The following ANKFY1 variants were observed in gnomAD, a reference collection of about 807,000 sequenced individuals.
ANKFY1 encodes ankyrin repeat and FYVE domain containing 1, also known as ankyrin repeat and FYVE domain-containing protein 1.
In ANKFY1, 47 loss-of-function variants were observed where a neutral mutation model predicts 128.3. The ratio of observed to expected loss-of-function variants is 0.37; its 90% CI spans 0.29 to 0.47. The LOEUF (loss-of-function observed/expected upper bound fraction) is 0.47, where lower values mean the gene tolerates loss of function less well. Among genes scored for constraint, ANKFY1 ranks in the 20% least tolerant of loss-of-function variants. ANKFY1 has a pLI of 1.00. For missense variants in ANKFY1, 1,222 were observed against 1,510.6 expected (o/e 0.81, Z 3.17); for synonymous variants, 553 against 601.6 (o/e 0.92, Z 1.18).
intron 1 of ANKFY1, among the ~76,000 whole-genome samples, chr17:4,254,603 T>C (rs747681380): frequency 9.2e-5 from 14 of 152,190 alleles, no homozygotes; most frequent in Non-Finnish European, 1.9e-4. Flanking sequence ...CACGTTTCTG[T>C]TGTTTTAAGC....
At chr17:4,204,422 C>T (rs929578834) in intron 7 of ANKFY1, among the ~76,000 whole-genome samples, 2 of 152,204 alleles carry the variant, frequency 1.3e-5, no homozygotes, top group Non-Finnish European at 2.9e-5. Flanking sequence ...TTGGTGAATA[C>T]CAGCTTCATA....
rs542613220 is a variant in ANKFY1, at chr17:4,181,247, C to T, written c.2240+7G>A. The T allele has an allele frequency of 6.2e-6, 10 of 1,612,248 alleles. No individual in the cohort carries two copies. The South Asian group carries it at 8.8e-5, about 14-fold the overall frequency. On this transcript the variant is annotated splice_region_variant and intron_variant, in intron 16 of 24. Coordinates refer to ENST00000341657, the MANE Select transcript of ANKFY1 (RefSeq NM_001330063.2). This position sits in a 1 kb window ranked among gnomAD's most constrained non-coding sequence, Gnocchi z 4.9. ...AAGCTGTGGAGAGATACTGGGGACT[C>T]TCAGACCTGCGAATAAGAAAGCAGG...
chr17:4,211,659 C>T (rs917847922), intron 4 of ANKFY1, among the ~76,000 whole-genome samples: 12 of 151,334 alleles, frequency 7.9e-5, no homozygotes, highest in East Asian at 7.9e-4. Context: ...CTTGTGGCCA[C>T]GAGTTCAAGA....
At chr17:4,257,038 A>G (rs977764844) in intron 1 of ANKFY1, among the ~76,000 whole-genome samples, 2 of 152,200 alleles carry the variant, frequency 1.3e-5, no homozygotes, top group African/African-American at 4.8e-5. Context: ...CAAAGCAAAT[A>G]TGTCCAAAAG....
intron 4 of ANKFY1, 29 bp downstream of exon 4, chr17:4,216,954 G>A (rs2060229721): frequency 1.9e-6 from 3 of 1,613,516 alleles, no homozygotes; most frequent in African/African-American, 2.7e-5. Flanking sequence ...CACCATCTGA[G>A]GTGCTTGAAT....
At chr17:4,213,064 C>T (rs747569642) in intron 4 of ANKFY1, among the ~76,000 whole-genome samples, 4 of 152,066 alleles carry the variant, frequency 2.6e-5, no homozygotes, top group African/African-American at 9.7e-5. Context: ...CGTGAGCCAC[C>T]GCACCCCACC....
Position 4,181,522 on chromosome 17 carries a change from C to G in ANKFY1, c.2122-150G>C, listed in dbSNP as rs77988554. ...GATAATTACTTTAATCTGTATCACT[C>G]ATTATTTTACAAACACTAATTAAAA... On this transcript the variant is annotated intron_variant, in intron 15 of 24. Coordinates refer to ENST00000341657, the MANE Select transcript of ANKFY1 (RefSeq NM_001330063.2). The surrounding 1 kb of genome is among the most constrained non-coding windows in gnomAD (Gnocchi z 4.9). 48,203 of 631,118 alleles carry G rather than the reference C, an allele frequency of 0.076. 2,364 individuals carry two copies. The highest frequency in any genetic ancestry group is 0.14 in the South Asian group (7,264 of 50,614). 39.1% of individuals were successfully genotyped at this position (631,118 alleles called of 1,614,324 possible).
chr17:4,192,548 G>A (rs1001679427), intron 10 of ANKFY1, among the ~76,000 whole-genome samples: 1 of 151,440 alleles, frequency 6.6e-6, no homozygotes, highest in African/African-American at 2.4e-5. Flanking sequence ...GCTCTAATCT[G>A]GAGACTCCTA....
Position 4,217,062 on chromosome 17 carries a change from C to G in ANKFY1, c.379G>C (p.Glu127Gln). 6.2e-7 allele frequency: 1 copy of G among 1,614,034 alleles called. No homozygotes were observed. The highest frequency in any genetic ancestry group is 8.5e-7 in the Non-Finnish European group (1 of 1,180,020). ...AGGAACACATCATCCTCTCTGAACT[C>G]CAGCTCATCTGTATAGATCCAGCGA... is the stretch of plus-strand genomic sequence containing the variant. Reference protein sequence around the residue: ...MLRWIYTDELEFREDDVFLTE... With the variant: ...MLRWIYTDELQFREDDVFLTE... The change falls in exon 4 of 25, where the codon GAG becomes CAG. Residue 127 changes from glutamate (E) to glutamine (Q), a missense_variant. By Grantham distance (29) the Glu-to-Gln change is conservative (BLOSUM62 2). Transcript: ENST00000341657.
intron 11 of ANKFY1, chr17:4,186,890 CT>C (rs1435963186): frequency 9.4e-7 from 1 of 1,062,142 alleles, no homozygotes; most frequent in Non-Finnish European, 1.1e-6. Context: ...TTAGACATCC[CT>C]ACCTTAAATG....
chr17:4,259,963 G>A (rs1213491815), intron 1 of ANKFY1, among the ~76,000 whole-genome samples: 1 of 152,214 alleles, frequency 6.6e-6, no homozygotes, highest in Non-Finnish European at 1.5e-5. Flanking sequence ...CCAGGCCAAG[G>A]AAACTGCAGG....
chr17:4,181,152 G>T lies in ANKFY1; in HGVS notation c.2240+102C>A. 1.1e-6 allele frequency: 1 copy of T among 943,714 alleles called. No individual in the cohort carries two copies. Among genetic ancestry groups the T allele is most frequent in the Non-Finnish European group, 1.7e-6 (1 of 598,564 alleles). 58.5% of individuals were successfully genotyped at this position (943,714 alleles called of 1,614,324 possible). A position where few individuals can be genotyped will look rare whatever the true frequency, so the allele number is the denominator to read the frequency against. ...TAACCTTAACTGTGAAAGTCAAGCCGGCTACTGGCATGCCAAGACTATAGA... is the reference window on the plus strand; with the variant it reads ...TAACCTTAACTGTGAAAGTCAAGCCTGCTACTGGCATGCCAAGACTATAGA... On this transcript the variant is annotated intron_variant, in intron 16 of 24. Coordinates refer to ENST00000341657, the MANE Select transcript of ANKFY1 (RefSeq NM_001330063.2). The surrounding 1 kb of genome is among the most constrained non-coding windows in gnomAD (Gnocchi z 4.9).
chr17:4,242,035 G>T (rs1967260118), intron 2 of ANKFY1, among the ~76,000 whole-genome samples: 1 of 149,064 alleles, frequency 6.7e-6, no homozygotes, highest in East Asian at 2.0e-4. Context: ...GCTGCAATGA[G>T]CCGTGATCTC....
intron 15 of ANKFY1, 73 bp downstream of exon 15, chr17:4,182,108 G>T: frequency 7.6e-7 from 1 of 1,324,050 alleles, no homozygotes; most frequent in Non-Finnish European, 9.9e-7. Flanking sequence ...TGACAGCTAC[G>T]CAGGCAGCAG....
At chr17:4,243,094 G>C (rs528858940) in intron 1 of ANKFY1, among the ~76,000 whole-genome samples, 4 of 152,082 alleles carry the variant, frequency 2.6e-5, no homozygotes, top group African/African-American at 9.6e-5. Flanking sequence ...TTGAGACAGA[G>C]TCTTGCTCTG....
Position 4,209,829 on chromosome 17 carries a change from G to T in ANKFY1, c.577C>A (p.His193Asn). Residue 193 changes from histidine to asparagine, a missense_variant, in exon 5 of 25, where the codon CAT (histidine) becomes AAT (asparagine). Coordinates refer to ENST00000341657, the MANE Select transcript of ANKFY1 (RefSeq NM_001330063.2). ...ACACCCTCAACCTCACTCACCCAATGACTTGCAATAATTTCTGCACAGTAG... is the reference window on the plus strand; with the variant it reads ...ACACCCTCAACCTCACTCACCCAATTACTTGCAATAATTTCTGCACAGTAG... The part of the protein sequence containing the change: ...MNYCAEIIAS[H>N]WDDLRKEDFS... The T allele has an allele frequency of 6.2e-7, 1 of 1,612,286 alleles. No individual in the cohort carries two copies. The highest frequency in any genetic ancestry group is 1.1e-5 in the South Asian group (1 of 90,896).
At chr17:4,235,007 T>C (rs1966866807) in intron 3 of ANKFY1, among the ~76,000 whole-genome samples, 1 of 152,146 alleles carries the variant, frequency 6.6e-6, no homozygotes. Flanking sequence ...AATATTGTTA[T>C]TCTTCAGAGT....
Position 4,169,337 on chromosome 17 carries a change from C to T in ANKFY1, c.3287-49G>A, listed in dbSNP as rs1301790480. Reference sequence around the variant, plus strand: ...GTCCCGTCAAACCGCGACGGCGCCACGCAAGCCCCAGGGCTTGGAGGCAGC... The same window carrying T: ...GTCCCGTCAAACCGCGACGGCGCCATGCAAGCCCCAGGGCTTGGAGGCAGC... On this transcript the variant is annotated intron_variant, in intron 23 of 24. Coordinates refer to ENST00000341657, the MANE Select transcript of ANKFY1 (RefSeq NM_001330063.2). This position sits in a 1 kb window ranked among gnomAD's most constrained non-coding sequence, Gnocchi z 5.0. 8 of 1,435,064 alleles carry T rather than the reference C, an allele frequency of 5.6e-6. No individual in the cohort carries two copies. The highest frequency in any genetic ancestry group is 2.5e-5 in the South Asian group (2 of 81,248). The allele number at this position is 1,435,064 out of a possible 1,614,324, so 88.9% of individuals were successfully genotyped here.
chr17:4,204,887 T>C (rs946746326), intron 7 of ANKFY1, among the ~76,000 whole-genome samples: 11 of 152,174 alleles, frequency 7.2e-5, no homozygotes, highest in Admixed American at 2.0e-4. Context: ...CTCTTGACAC[T>C]GACATACTCG....
Sources: gnomAD v4.1 joint callset for allele counts (sites outside exome capture counted in the v4.1 genomes callset) on GRCh38, gnomAD v4.1.1 for gene constraint, Gnocchi (gnomAD v3.1) non-coding constraint, MANE v1.5 for transcripts, NCBI Gene and HGNC (gene_info 2026-07-23, HGNC 2026-07-21) for gene names.